The following NEGR1 variants were observed in gnomAD, a reference collection of about 807,000 sequenced individuals.
NEGR1 encodes the protein neuronal growth regulator 1, also known as IgLON family member 4.
Under a neutral mutation model 40.9 loss-of-function variants are expected in NEGR1, and 10 were observed. The ratio of observed to expected loss-of-function variants is 0.24; its 90% CI spans 0.15 to 0.42. The LOEUF (loss-of-function observed/expected upper bound fraction) is 0.42. Among genes scored for constraint, NEGR1 ranks in the 10% least tolerant of loss-of-function variants. The probability of loss-of-function intolerance (pLI) is 1.00; values close to 1 mark genes in which losing one functional copy is unlikely to be tolerated. For missense variants in NEGR1, 352 were observed against 438.9 expected (o/e 0.80, Z 1.77); for synonymous variants, 185 against 166.8 (o/e 1.11, Z -0.84).
At chr1:72,198,429 C>A (rs377316611) in intron 1 of NEGR1, among the ~76,000 whole-genome samples, 20 of 151,978 alleles carry the variant, frequency 1.3e-4, no homozygotes, top group Non-Finnish European at 1.9e-4. Context: ...GTGGAAGGAG[C>A]CTGACTTTGT....
At chr1:72,088,796 C>CTTTTTTTTT (rs71074816) in intron 1 of NEGR1, among the ~76,000 whole-genome samples, 5 of 74,904 alleles carry the variant, frequency 6.7e-5, no homozygotes, top group Non-Finnish European at 1.0e-4. Flanking sequence ...CTCTCTCTCT[C>CTTTTTTTTT]TTTTTTTTTT....
At chr1:71,750,795 C>A (rs922942105) in intron 3 of NEGR1, among the ~76,000 whole-genome samples, 1 of 152,000 alleles carries the variant, frequency 6.6e-6, no homozygotes, top group Non-Finnish European at 1.5e-5. Context: ...TTTTAAGAAG[C>A]TTTTTTATTT....
intron 1 of NEGR1, among the ~76,000 whole-genome samples, chr1:72,251,464 C>T (rs1300467422): frequency 6.6e-6 from 1 of 152,138 alleles, no homozygotes; most frequent in Non-Finnish European, 1.5e-5. Flanking sequence ...CCCTCGGTAT[C>T]CATACGGGGT....
intron 1 of NEGR1, among the ~76,000 whole-genome samples, chr1:72,030,581 T>C (rs1314143171): frequency 1.3e-5 from 2 of 152,136 alleles, no homozygotes; most frequent in African/African-American, 2.4e-5. Context: ...CTATCAACTG[T>C]ATAAGTAAGA....
chr1:71,838,651 C>A (rs1659126232), intron 2 of NEGR1, among the ~76,000 whole-genome samples: 1 of 152,084 alleles, frequency 6.6e-6, no homozygotes, highest in South Asian at 2.1e-4. Context: ...TCAGAGTAGT[C>A]TTGAACTCTA....
At chr1:71,646,418 C>A (rs150850812) in intron 4 of NEGR1, among the ~76,000 whole-genome samples, 205 of 151,754 alleles carry the variant, frequency 1.4e-3, no homozygotes, top group African/African-American at 4.7e-3. Context: ...TGACCTGAAC[C>A]CTTGTTACTT....
chr1:72,044,038 A>G (rs558483105), intron 1 of NEGR1, among the ~76,000 whole-genome samples: 32 of 151,980 alleles, frequency 2.1e-4, no homozygotes, highest in African/African-American at 7.7e-4. Context: ...AAAAGCCTTT[A>G]TCATCATGTG....
chr1:71,953,449 T>A (rs1021187156), intron 1 of NEGR1, among the ~76,000 whole-genome samples: 1 of 152,014 alleles, frequency 6.6e-6, no homozygotes, highest in African/African-American at 2.4e-5. Flanking sequence ...TTTCTTGAGA[T>A]GGTATCTACC....
intron 1 of NEGR1, among the ~76,000 whole-genome samples, chr1:72,213,175 T>G (rs970164187): frequency 3.9e-5 from 6 of 151,922 alleles, no homozygotes; most frequent in Non-Finnish European, 4.4e-5. Flanking sequence ...AGTTATTAAT[T>G]TTCATATTGA....
intron 1 of NEGR1, among the ~76,000 whole-genome samples, chr1:72,199,915 T>C (rs1653142648): frequency 1.3e-5 from 2 of 151,590 alleles, no homozygotes; most frequent in Admixed American, 6.6e-5. Flanking sequence ...CCAACAAATA[T>C]ATGAAAAAAT....
chr1:71,651,033 A>G lies in NEGR1; in HGVS notation c.668-39887T>C, dbSNP rs1188688332. ...CCATAACTATGTTGAATATAGCTTT[A>G]TCTCTTTTCTTGGCTGATGTACACC... On this transcript the variant is annotated intron_variant, in intron 4 of 6. Coordinates refer to ENST00000357731, the MANE Select transcript of NEGR1 (RefSeq NM_173808.3). Among the ~76,000 whole-genome samples the G allele has an allele frequency of 3.9e-5, 6 of 152,256 alleles. No homozygotes were observed. The East Asian group carries it at 1.2e-3, about 29-fold the overall frequency.
intron 2 of NEGR1, among the ~76,000 whole-genome samples, chr1:71,835,515 C>G (rs1456994778): frequency 6.6e-6 from 1 of 152,022 alleles, no homozygotes; most frequent in Non-Finnish European, 1.5e-5. Flanking sequence ...TCACTCTCAC[C>G]TTCATTTTTT....
chr1:71,861,832 C>T (rs191977627), intron 2 of NEGR1, among the ~76,000 whole-genome samples: 1 of 152,030 alleles, frequency 6.6e-6, no homozygotes, highest in East Asian at 1.9e-4. Context: ...TCTTACTCAA[C>T]ACAGTAGAAC....
At chr1:72,196,413 A>G (rs1653000197) in intron 1 of NEGR1, among the ~76,000 whole-genome samples, 1 of 152,134 alleles carries the variant, frequency 6.6e-6, no homozygotes, top group African/African-American at 2.4e-5. Context: ...CTCATGCTAA[A>G]ACGCTTACTA....
chr1:72,132,888 T>C (rs1390342051), intron 1 of NEGR1, among the ~76,000 whole-genome samples: 1 of 152,122 alleles, frequency 6.6e-6, no homozygotes, highest in Non-Finnish European at 1.5e-5. Context: ...ATGATTTTTT[T>C]TCCATATTAA....
intron 4 of NEGR1, among the ~76,000 whole-genome samples, chr1:71,643,288 G>C (rs1051600537): frequency 3.3e-5 from 5 of 151,898 alleles, no homozygotes; most frequent in Admixed American, 2.6e-4. Flanking sequence ...AACGTATTTG[G>C]GCAGGAGAGA....
chr1:71,836,033 A>G (rs1303279502), intron 2 of NEGR1, among the ~76,000 whole-genome samples: 1 of 152,062 alleles, frequency 6.6e-6, no homozygotes, highest in East Asian at 1.9e-4. Context: ...AACAAGGCAA[A>G]GCTATTGCAG....
intron 1 of NEGR1, among the ~76,000 whole-genome samples, chr1:72,233,628 T>C (rs991152639): frequency 6.6e-6 from 1 of 152,188 alleles, no homozygotes; most frequent in South Asian, 2.1e-4. Flanking sequence ...CAAGATTTCA[T>C]TCTTTTCATG....
chr1:72,089,249 T>C (rs951697026), intron 1 of NEGR1, among the ~76,000 whole-genome samples: 2 of 152,106 alleles, frequency 1.3e-5, no homozygotes, highest in South Asian at 2.1e-4. Context: ...CTACCACTTA[T>C]AACAACCCGA....
Sources: allele counts gnomAD v4.1 joint callset (sites outside exome capture counted in the v4.1 genomes callset), GRCh38; gene constraint gnomAD v4.1.1; transcripts MANE v1.5; gene names NCBI Gene and HGNC (gene_info 2026-07-23, HGNC 2026-07-21).